The following GPCPD1 variants were observed in gnomAD, a reference collection of about 807,000 sequenced individuals.
The protein encoded by GPCPD1 is glycerophosphocholine phosphodiesterase GPCPD1.
In GPCPD1, 29 loss-of-function variants were observed where a neutral mutation model predicts 89.2. The ratio of observed to expected loss-of-function variants is 0.33; its 90% CI spans 0.24 to 0.44. The LOEUF is 0.44. Ranked by LOEUF, GPCPD1 falls within the 20% of genes least tolerant of loss-of-function variation. The probability of loss-of-function intolerance (pLI) is 1.00; values close to 1 mark genes in which losing one functional copy is unlikely to be tolerated. For missense variants in GPCPD1, 594 were observed against 808.9 expected (o/e 0.73, Z 3.22); for synonymous variants, 258 against 266.3 (o/e 0.97, Z 0.30).
intron 17 of GPCPD1, among the ~76,000 whole-genome samples, 197 bp downstream of exon 17, chr20:5,559,743 T>C (rs1985984943): frequency 6.6e-6 from 1 of 152,160 alleles, no homozygotes; most frequent in Non-Finnish European, 1.5e-5. Context: ...CTCTAGGACC[T>C]AGTAGGTGTG....
rs182011414 is a variant in GPCPD1, at chr20:5,605,227, G to A, written c.-28-787C>T. Among the ~76,000 whole-genome samples the A allele has an allele frequency of 1.5e-4, 23 of 152,196 alleles. 1 individual carries two copies. The East Asian group carries it at 3.1e-3, about 20-fold the overall frequency. On this transcript the variant is annotated intron_variant, in intron 1 of 19. Coordinates refer to ENST00000379019, the MANE Select transcript of GPCPD1 (RefSeq NM_019593.5). ...ATCCAAACTTGTTATTTTTTAAGTC[G>A]TCAAGATTCTTTTGCTACATACTTT...
intron 1 of GPCPD1, among the ~76,000 whole-genome samples, chr20:5,610,412 G>C (rs1980885552): frequency 6.6e-6 from 1 of 152,114 alleles, no homozygotes; most frequent in Non-Finnish European, 1.5e-5. Flanking sequence ...GTAACTTAGG[G>C]ACAGAGAGCG....
At chr20:5,573,479 T>C (rs1301270463) in intron 11 of GPCPD1, among the ~76,000 whole-genome samples, 1 of 152,222 alleles carries the variant, frequency 6.6e-6, no homozygotes, top group Admixed American at 6.5e-5. Flanking sequence ...AATGTGCTTA[T>C]TCAGATACTC....
chr20:5,547,973 T>TTTTTG lies in GPCPD1; in HGVS notation c.1830-128_1830-124dup, dbSNP rs527262779. ...AATGCCTGGAACATCCACATCAGAG[T>TTTTTG]TTTTGTTTTGTTTTAAAGATGAAAG... On this transcript the variant is annotated intron_variant, in intron 19 of 19. Transcript: ENST00000379019. 5.2e-4 allele frequency: 272 copies of TTTTTG among 520,264 alleles called. 2 individuals are homozygous for TTTTTG. Among genetic ancestry groups the TTTTTG allele is most frequent in the African/African-American group, 4.4e-3 (231 of 52,288 alleles). 32.2% of individuals were successfully genotyped at this position (520,264 alleles called of 1,614,324 possible).
intron 11 of GPCPD1, among the ~76,000 whole-genome samples, chr20:5,570,613 G>A (rs916680582): frequency 8.5e-5 from 13 of 152,122 alleles, no homozygotes; most frequent in African/African-American, 2.9e-4. Context: ...AACCTTAGCT[G>A]CACAGCTAAC....
rs145099113 is a variant in GPCPD1 at position 5,564,906 on chromosome 20, A to T, written c.1329+111T>A. On this transcript the variant is annotated intron_variant, in intron 15 of 19. Coordinates refer to ENST00000379019, the MANE Select transcript of GPCPD1 (RefSeq NM_019593.5). ...GCACCAATGATGATAAATTCATATT[A>T]ACATTGTCTTTAACACAGCCTTTTT... The T allele has an allele frequency of 2.7e-4, 188 of 700,038 alleles. 2 individuals are homozygous for T. The East Asian group carries it at 4.6e-3, about 17-fold the overall frequency. 43.4% of individuals were successfully genotyped at this position (700,038 alleles called of 1,614,324 possible).
chr20:5,606,166 T>C (rs1450370458), intron 1 of GPCPD1, among the ~76,000 whole-genome samples: 1 of 152,178 alleles, frequency 6.6e-6, no homozygotes, highest in Non-Finnish European at 1.5e-5. Context: ...ATATAAAAAA[T>C]AGCTTAATAC....
chr20:5,559,093 C>T (rs1472953952), intron 17 of GPCPD1, among the ~76,000 whole-genome samples: 7 of 151,878 alleles, frequency 4.6e-5, no homozygotes, highest in Non-Finnish European at 8.8e-5. Context: ...TCCCAGCTAC[C>T]GAGGAGGCTG....
At position 5,567,573 on chromosome 20, in the gene GPCPD1, AAAAAAG is replaced by A. The variant is rs766409333; in HGVS notation, c.1150-19_1150-14del. 2.9e-5 allele frequency: 45 copies of A among 1,549,818 alleles called. No homozygotes were observed. Among genetic ancestry groups the A allele is most frequent in the Non-Finnish European group, 3.5e-5 (41 of 1,154,976 alleles). ...CAGCATCAAATTTCTAAAAAAAAAAAAAAAAGAAAGAAAGAAAAAGAAAGAATAAAG... is the reference window on the plus strand; with the variant it reads ...CAGCATCAAATTTCTAAAAAAAAAAAAAAGAAAGAAAAAGAAAGAATAAAG... On this transcript the variant is annotated splice_polypyrimidine_tract_variant and intron_variant, in intron 12 of 19. Coordinates refer to ENST00000379019, the MANE Select transcript of GPCPD1 (RefSeq NM_019593.5).
At chr20:5,557,656 A>G (rs970989007) in intron 19 of GPCPD1, among the ~76,000 whole-genome samples, 5 of 152,148 alleles carry the variant, frequency 3.3e-5, no homozygotes, top group African/African-American at 1.2e-4. Context: ...AGAGGAATGA[A>G]AAAGTTGGTA....
intron 10 of GPCPD1, among the ~76,000 whole-genome samples, chr20:5,575,132 G>T (rs1978286242): frequency 6.6e-6 from 1 of 152,140 alleles, no homozygotes; most frequent in South Asian, 2.1e-4. Context: ...CAAAAGTAAG[G>T]ACCATGACAC....
At chr20:5,578,080 C>A (rs1600755248) in intron 8 of GPCPD1, among the ~76,000 whole-genome samples, 2 of 152,180 alleles carry the variant, frequency 1.3e-5, no homozygotes, top group East Asian at 3.8e-4. Flanking sequence ...CTGCCCTGGT[C>A]TCTATTTACC....
intron 2 of GPCPD1, among the ~76,000 whole-genome samples, chr20:5,601,179 T>C (rs1347643652): frequency 2.0e-5 from 3 of 151,666 alleles, no homozygotes. Context: ...TGAGACCCTG[T>C]CTGTACAAAA....
At position 5,545,746 on chromosome 20, in the gene GPCPD1, T is replaced by A. The variant is rs1250164691; in HGVS notation, c.*1915A>T. 6.6e-6 allele frequency: 1 copy of A among 152,276 alleles called. No homozygotes were observed. The highest frequency in any genetic ancestry group is 2.4e-5 in the African/African-American group (1 of 41,472). The allele number at this position is 152,276 out of a possible 1,614,324, so 9.4% of individuals were successfully genotyped here. ...GGTCAGGAAGAGATAGGACAGAAAGTGAGCAGGAAGGTTCTGTCTGTATTG... is the reference window on the plus strand; with the variant it reads ...GGTCAGGAAGAGATAGGACAGAAAGAGAGCAGGAAGGTTCTGTCTGTATTG... On this transcript the variant is annotated 3_prime_UTR_variant, in exon 20 of 20. Coordinates refer to ENST00000379019, the MANE Select transcript of GPCPD1 (RefSeq NM_019593.5).
chr20:5,544,451 C>T lies in GPCPD1; in HGVS notation c.*3210G>A, dbSNP rs1319093844. Reference sequence around the variant, plus strand: ...TAGGAAACTAGGATTGTTGCCACCACCATTTATTTATCTAGTTCATAACTA... The same window carrying T: ...TAGGAAACTAGGATTGTTGCCACCATCATTTATTTATCTAGTTCATAACTA... On this transcript the variant is annotated 3_prime_UTR_variant, in exon 20 of 20. Coordinates refer to ENST00000379019, the MANE Select transcript of GPCPD1 (RefSeq NM_019593.5). 3 of 152,176 alleles carry T rather than the reference C, an allele frequency of 2.0e-5. No homozygotes were observed. The highest frequency in any genetic ancestry group is 7.2e-5 in the African/African-American group (3 of 41,438). The allele number at this position is 152,176 out of a possible 1,614,324, so 9.4% of individuals were successfully genotyped here. A position where few individuals can be genotyped will look rare whatever the true frequency, so the allele number is the denominator to read the frequency against.
rs1222222257 is a variant in GPCPD1, at chr20:5,544,727, T to C, written c.*2934A>G. ...GTTTTTTCCCAGCTACAACATTAAA[T>C]AGTAAGACTGAGAGGCTGTCTGCAT... On this transcript the variant is annotated 3_prime_UTR_variant, in exon 20 of 20. Coordinates refer to ENST00000379019, the MANE Select transcript of GPCPD1 (RefSeq NM_019593.5). The C allele has an allele frequency of 2.0e-5, 3 of 152,218 alleles. No homozygotes were observed. The highest frequency in any genetic ancestry group is 4.4e-5 in the Non-Finnish European group (3 of 68,058). The allele number at this position is 152,218 out of a possible 1,614,324, so 9.4% of individuals were successfully genotyped here.
At chr20:5,561,078 T>C (rs1986051782) in intron 16 of GPCPD1, among the ~76,000 whole-genome samples, 1 of 152,234 alleles carries the variant, frequency 6.6e-6, no homozygotes, top group South Asian at 2.1e-4. Context: ...TTTTCCTGAA[T>C]AATTATTACT....
intron 4 of GPCPD1, among the ~76,000 whole-genome samples, chr20:5,592,717 TAAAAGG>T (rs1321459209): frequency 6.6e-6 from 1 of 152,170 alleles, no homozygotes; most frequent in Non-Finnish European, 1.5e-5. Flanking sequence ...ATCTTTAGAA[TAAAAGG>T]AAAATGATTA....
At chr20:5,589,931 T>C (rs1200431359) in intron 4 of GPCPD1, among the ~76,000 whole-genome samples, 1 of 152,202 alleles carries the variant, frequency 6.6e-6, no homozygotes, top group Non-Finnish European at 1.5e-5. Flanking sequence ...TTAGCATACA[T>C]AATGTCACAC....
Sources: gnomAD v4.1 joint callset for allele counts (sites outside exome capture counted in the v4.1 genomes callset) on GRCh38, gnomAD v4.1.1 for gene constraint, MANE v1.5 for transcripts, NCBI Gene and HGNC (gene_info 2026-07-23, HGNC 2026-07-21) for gene names.